Variants in RASSF6 observed in about 807,000 individuals in gnomAD.
RASSF6 encodes the protein ras association domain-containing protein 6.
RASSF6 carries 52 observed loss-of-function variants against 44.0 expected under a neutral mutation model. The observed-to-expected ratio is 1.18, with a 90% confidence interval of 0.95 to 1.49. The LOEUF (loss-of-function observed/expected upper bound fraction) is 1.49, where lower values mean the gene tolerates loss of function less well. RASSF6 is among the 40% of genes most tolerant of loss of function. The pLI is 0.00. For missense variants in RASSF6, 464 were observed against 393.3 expected, an observed-to-expected ratio of 1.18 and a Z score of -1.52; for synonymous variants, 162 against 124.6, an observed-to-expected ratio of 1.30 and a Z score of -2.00.
intron 8 of RASSF6, 90 bp downstream of exon 8, chr4:73,581,727 G>C (rs1449263326): frequency 5.0e-6 from 4 of 797,472 alleles, no homozygotes; most frequent in Non-Finnish European, 8.4e-6. Context: ...TTTCTCCACA[G>C]AATGAGGCAA....
Position 73,576,419 on chromosome 4 carries a change from AT to A in RASSF6, c.928del (p.Ile310Ter), listed in dbSNP as rs1723220238. On this transcript the variant is annotated frameshift_variant, in exon 10 of 11. Coordinates refer to ENST00000307439, the MANE Select transcript of RASSF6 (RefSeq NM_177532.5). LOFTEE classifies it high-confidence loss of function. ...NEEEKREIQR[I>X]VTKFNKEKAI... Reference sequence around the variant, plus strand: ...CATGCTCTTGACTTACTTTGTTACTATTCTTTGAATCTCTCTTTTCTCTTCT... The same window carrying A: ...CATGCTCTTGACTTACTTTGTTACTATCTTTGAATCTCTCTTTTCTCTTCT... 3 of 1,560,990 alleles carry A rather than the reference AT, an allele frequency of 1.9e-6. No individual in the cohort carries two copies. The highest frequency in any genetic ancestry group is 1.4e-5 in the African/African-American group (1 of 73,184).
upstream of RASSF6, chr4:73,620,488 C>G: frequency 4.5e-6 from 7 of 1,546,014 alleles, no homozygotes; most frequent in Non-Finnish European, 6.1e-6. Context: ...GCGCCTGTCT[C>G]CTCCCAGAGC....
intron 2 of RASSF6, among the ~76,000 whole-genome samples, chr4:73,606,230 A>G (rs1725619025): frequency 6.6e-6 from 1 of 152,242 alleles, no homozygotes; most frequent in East Asian, 1.9e-4. Flanking sequence ...AATACTCTGT[A>G]GCCATAAAAA....
intron 8 of RASSF6, among the ~76,000 whole-genome samples, chr4:73,579,142 G>A (rs79737874): frequency 0.064 from 9,784 of 151,916 alleles, 445 homozygotes; most frequent in East Asian, 0.2. Context: ...CATTCTATTG[G>A]CATAAATCTA....
rs148066158 is a variant in RASSF6, at chr4:73,578,029, T to TTTTCTTTATTTCTGGTCCCTAAGG, written c.722-1299_722-1298insCCTTAGGGACCAGAAATAAAGAAA. Reference sequence around the variant, plus strand: ...CAAACAGGAGCCATATGCTCTCTTCTGACCTAGTTATTATTATCTGCAGTT... The same window carrying TTTTCTTTATTTCTGGTCCCTAAGG: ...CAAACAGGAGCCATATGCTCTCTTCTTTTCTTTATTTCTGGTCCCTAAGGGACCTAGTTATTATTATCTGCAGTT... On this transcript the variant is annotated intron_variant, in intron 8 of 10. Coordinates refer to ENST00000307439, the MANE Select transcript of RASSF6 (RefSeq NM_177532.5). Among the ~76,000 whole-genome samples, 192 of 152,026 alleles carry TTTTCTTTATTTCTGGTCCCTAAGG rather than the reference T, an allele frequency of 1.3e-3. 1 individual carries two copies. Among genetic ancestry groups the TTTTCTTTATTTCTGGTCCCTAAGG allele is most frequent in the African/African-American group, 4.3e-3 (179 of 41,470 alleles).
At chr4:73,578,056 T>C (rs1723356957) in intron 8 of RASSF6, among the ~76,000 whole-genome samples, 1 of 152,250 alleles carries the variant, frequency 6.6e-6, no homozygotes, top group Admixed American at 6.5e-5. Context: ...TCTGCAGTTA[T>C]GGATATATGC....
intron 2 of RASSF6, 41 bp downstream of exon 2, chr4:73,611,690 C>G (rs750225381): frequency 7.6e-7 from 1 of 1,307,674 alleles, no homozygotes; most frequent in Admixed American, 1.7e-5. Flanking sequence ...CCACAAATGA[C>G]TGGTGAGTAG....
In RASSF6 at chr4:73,575,167, T is replaced by A. The variant is rs531532705; in HGVS notation, c.*1068A>T. 4 of 152,344 alleles carry A rather than the reference T, an allele frequency of 2.6e-5. No homozygotes were observed. The highest frequency in any genetic ancestry group is 9.6e-5 in the African/African-American group (4 of 41,582). 9.4% of individuals were successfully genotyped at this position (152,344 alleles called of 1,614,324 possible). On this transcript the variant is annotated 3_prime_UTR_variant, in exon 11 of 11. Transcript: ENST00000307439. The stretch of plus-strand genomic sequence containing the variant: ...CCTTAGTACATGTAATATGATCAAT[T>A]TACTACAATGCTTATGAGGAATGCA...
At chr4:73,595,949 T>A (rs999169100) in intron 3 of RASSF6, among the ~76,000 whole-genome samples, 5 of 152,156 alleles carry the variant, frequency 3.3e-5, no homozygotes, top group African/African-American at 1.2e-4. Context: ...TGCTGTGCCA[T>A]GAAATTAAAT....
At position 73,583,914 on chromosome 4, in the gene RASSF6, G is replaced by A. The variant is rs377556904; in HGVS notation, c.567+1266C>T. On this transcript the variant is annotated intron_variant, in intron 6 of 10. Transcript: ENST00000307439. ...GGCCCAAGCATTTAACCACCATTCC[G>A]TGCTGCCAACCTAGTGTCAATTTCA... is the stretch of plus-strand genomic sequence containing the variant. Among the ~76,000 whole-genome samples, 10 of 152,068 alleles carry A rather than the reference G, an allele frequency of 6.6e-5. No individual in the cohort carries two copies. The East Asian group carries it at 1.2e-3, about 18-fold the overall frequency.
chr4:73,581,123 G>A (rs1184795702), intron 8 of RASSF6, among the ~76,000 whole-genome samples: 1 of 152,022 alleles, frequency 6.6e-6, no homozygotes, highest in Non-Finnish European at 1.5e-5. Flanking sequence ...GCATCAAAAT[G>A]TATTATTTTA....
chr4:73,578,666 T>C (rs1420086201), intron 8 of RASSF6, among the ~76,000 whole-genome samples: 2 of 148,866 alleles, frequency 1.3e-5, no homozygotes, highest in African/African-American at 2.5e-5. Context: ...CGGAGTGCAA[T>C]GGCACGATCT....
Position 73,588,574 on chromosome 4 carries a change from A to C in RASSF6, c.288-640T>G, listed in dbSNP as rs886801960. 1.3e-4 allele frequency among the ~76,000 whole-genome samples: 19 copies of C among 151,994 alleles called. 1 individual carries two copies. The highest frequency in any genetic ancestry group is 4.1e-4 in the African/African-American group (17 of 41,536). On this transcript the variant is annotated intron_variant, in intron 4 of 10. Transcript: ENST00000307439. ...TTACGGCAGGTCAAAACTCAATTTT[A>C]TTTTATTTATCTGGTCTTAAACAAG...
intron 4 of RASSF6, among the ~76,000 whole-genome samples, chr4:73,589,368 A>T: frequency 6.6e-6 from 1 of 152,076 alleles, no homozygotes; most frequent in East Asian, 1.9e-4. Flanking sequence ...TGGCAGACAT[A>T]ATTATCGTAG....
chr4:73,572,022 G>C lies in RASSF6; in HGVS notation c.*4213C>G, dbSNP rs1722947484. On this transcript the variant is annotated 3_prime_UTR_variant, in exon 11 of 11. Coordinates refer to ENST00000307439, the MANE Select transcript of RASSF6 (RefSeq NM_177532.5). ...CAACAAACACTTCTTATCTCATACA[G>C]TTTCTGAGGATGAGGAATCCAGAAT... 6.6e-6 allele frequency: 1 copy of C among 152,142 alleles called. No homozygotes were observed. Among genetic ancestry groups the C allele is most frequent in the Non-Finnish European group, 1.5e-5 (1 of 68,028 alleles). The allele number at this position is 152,142 out of a possible 1,614,324, so 9.4% of individuals were successfully genotyped here.
intron 6 of RASSF6, among the ~76,000 whole-genome samples, chr4:73,584,106 T>G (rs1012190253): frequency 2.6e-5 from 4 of 152,084 alleles, no homozygotes; most frequent in African/African-American, 9.7e-5. Context: ...TCAATGCTAC[T>G]TTATAGCTAT....
chr4:73,616,269 A>ATC (rs1726358667), intron 1 of RASSF6, among the ~76,000 whole-genome samples: 2 of 148,520 alleles, frequency 1.3e-5, no homozygotes, highest in African/African-American at 2.5e-5. Flanking sequence ...ATCTATCTAT[A>ATC]CATATATATA....
At chr4:73,596,641 A>C (rs1724959835) in intron 3 of RASSF6, among the ~76,000 whole-genome samples, 1 of 152,162 alleles carries the variant, frequency 6.6e-6, no homozygotes, top group African/African-American at 2.4e-5. Context: ...AATTCATATG[A>C]ATCCAAAACA....
intron 4 of RASSF6, among the ~76,000 whole-genome samples, chr4:73,590,772 C>G (rs1724486120): frequency 6.6e-6 from 1 of 152,150 alleles, no homozygotes. Context: ...GGAATGGGAT[C>G]TTTTTCTGCC....
Sources: gnomAD v4.1 joint callset for allele counts (sites outside exome capture counted in the v4.1 genomes callset) on GRCh38, gnomAD v4.1.1 for gene constraint, MANE v1.5 for transcripts, NCBI Gene and HGNC (gene_info 2026-07-23, HGNC 2026-07-21) for gene names.